TBC1D5: variants seen among roughly 807,000 people sequenced by gnomAD.
TBC1D5 encodes the protein TBC1 domain family, member 5.
Under a neutral mutation model 100.3 loss-of-function variants are expected in TBC1D5, and 75 were observed. The ratio of observed to expected loss-of-function variants is 0.75; its 90% CI spans 0.62 to 0.91. The LOEUF (loss-of-function observed/expected upper bound fraction) is 0.91, where lower values mean the gene tolerates loss of function less well. Ranked by LOEUF, TBC1D5 falls within the 40% of genes least tolerant of loss-of-function variation. TBC1D5 has a pLI of 0.00. For missense variants in TBC1D5, 910 were observed against 942.4 expected (o/e 0.97, Z 0.45); for synonymous variants, 323 against 325.6 (o/e 0.99, Z 0.09).
Position 17,223,261 on chromosome 3 carries a change from C to T in TBC1D5, c.1589-8891G>A, listed in dbSNP as rs553574247. Among the ~76,000 whole-genome samples the T allele has an allele frequency of 1.6e-3, 236 of 152,108 alleles. 1 individual carries two copies. The highest frequency in any genetic ancestry group is 2.8e-3 in the Non-Finnish European group (191 of 67,974). On this transcript the variant is annotated intron_variant, in intron 17 of 21. Coordinates refer to ENST00000253692, the Ensembl canonical transcript of TBC1D5. ...CTTTGATTCTAGATTTTATATATAT[C>T]GTAGCTGGGTACTATTAATTTTTGT...
intron 3 of TBC1D5, among the ~76,000 whole-genome samples, chr3:17,468,466 T>A (rs1165331715): frequency 6.6e-6 from 1 of 152,198 alleles, no homozygotes; most frequent in Non-Finnish European, 1.5e-5. Flanking sequence ...CCCCTTAAAT[T>A]GCAATATTGC....
chr3:17,381,827 T>C (rs1045064733), intron 9 of TBC1D5, among the ~76,000 whole-genome samples: 7 of 152,064 alleles, frequency 4.6e-5, no homozygotes. Flanking sequence ...TTTTTATATT[T>C]ATATTTTTAC....
intron 16 of TBC1D5, among the ~76,000 whole-genome samples, chr3:17,248,634 G>A (rs1011191392): frequency 1.3e-5 from 2 of 152,158 alleles, no homozygotes; most frequent in African/African-American, 2.4e-5. Context: ...ATTAATGCTT[G>A]GGTGCAAGCT....
At chr3:17,343,883 G>T (rs13079314) in intron 13 of TBC1D5, among the ~76,000 whole-genome samples, 1 of 151,418 alleles carries the variant, frequency 6.6e-6, no homozygotes, top group Non-Finnish European at 1.5e-5. Flanking sequence ...TCTTGCTAGC[G>T]GTCTATCAAT....
chr3:17,480,504 C>T (rs2095489690), intron 3 of TBC1D5, among the ~76,000 whole-genome samples: 1 of 152,212 alleles, frequency 6.6e-6, no homozygotes, highest in South Asian at 2.1e-4. Flanking sequence ...TGGACCCAGC[C>T]AGGACTACCA....
At chr3:17,308,328 T>C (rs942325097) in intron 13 of TBC1D5, among the ~76,000 whole-genome samples, 194 bp from the exon 14 acceptor site, 1 of 152,110 alleles carries the variant, frequency 6.6e-6, no homozygotes, top group Non-Finnish European at 1.5e-5. Flanking sequence ...GCCATCATCA[T>C]TAAATACTAT....
At position 17,612,884 on chromosome 3, in the gene TBC1D5, TTTTC is replaced by T. The variant is rs754391108; in HGVS notation, c.-36+10961_-36+10964del. Among the ~76,000 whole-genome samples the T allele has an allele frequency of 1.4e-3, 211 of 147,654 alleles. 1 individual carries two copies. Among genetic ancestry groups the T allele is most frequent in the Non-Finnish European group, 2.4e-3 (164 of 67,500 alleles). Reference sequence around the variant, plus strand: ...ATACATAAGGGATGAGAAAGCCCCCTTTTCTTTTTTTTTTTTTTTTATTAAAGTT... The same window carrying T: ...ATACATAAGGGATGAGAAAGCCCCCTTTTTTTTTTTTTTTTTATTAAAGTT... On this transcript the variant is annotated intron_variant, in intron 2 of 21. Transcript: ENST00000253692.
chr3:17,727,031 A>G (rs1212588204), intron 1 of TBC1D5, among the ~76,000 whole-genome samples: 1 of 152,206 alleles, frequency 6.6e-6, no homozygotes, highest in African/African-American at 2.4e-5. Flanking sequence ...AGAAATATGT[A>G]TAACGGCTGT....
chr3:17,222,241 T>C (rs2074368748), intron 17 of TBC1D5, among the ~76,000 whole-genome samples: 1 of 152,194 alleles, frequency 6.6e-6, no homozygotes, highest in Non-Finnish European at 1.5e-5. Flanking sequence ...ATTTCTTTTC[T>C]TCTGAGTGGC....
intron 13 of TBC1D5, among the ~76,000 whole-genome samples, chr3:17,338,083 T>G (rs7622831): frequency 0.09 from 13,632 of 152,192 alleles, 1,402 homozygotes; most frequent in African/African-American, 0.25. Flanking sequence ...TAAAACAAAC[T>G]GAATAACACG....
chr3:17,161,057 G>A, exon 22 of TBC1D5: 2 of 1,614,228 alleles, frequency 1.2e-6, no homozygotes, highest in Non-Finnish European at 8.5e-7. Flanking sequence ...AGCTGAGGCT[G>A]GGCCCATCAG....
At chr3:17,226,326 T>G (rs949793925) in intron 17 of TBC1D5, among the ~76,000 whole-genome samples, 1 of 139,196 alleles carries the variant, frequency 7.2e-6, no homozygotes, top group Admixed American at 7.2e-5. Context: ...TTTTTTTTTT[T>G]GACAGAGAGG....
At chr3:17,657,106 T>A (rs922478891) in intron 1 of TBC1D5, among the ~76,000 whole-genome samples, 1 of 152,106 alleles carries the variant, frequency 6.6e-6, no homozygotes, top group Non-Finnish European at 1.5e-5. Context: ...GAAGTCTATC[T>A]TTTAATCACT....
chr3:17,339,115 T>C (rs571982147), intron 13 of TBC1D5, among the ~76,000 whole-genome samples: 1 of 152,346 alleles, frequency 6.6e-6, no homozygotes, highest in East Asian at 1.9e-4. Context: ...ATTGTGGTTG[T>C]CTGAGGTCCC....
chr3:17,263,268 C>G (rs2078503794), intron 15 of TBC1D5, among the ~76,000 whole-genome samples: 2 of 145,532 alleles, frequency 1.4e-5, no homozygotes, highest in South Asian at 4.3e-4. Flanking sequence ...GAGGCTGAGG[C>G]TGAGGTAGAA....
At chr3:17,550,096 T>C (rs2096459510) in intron 2 of TBC1D5, among the ~76,000 whole-genome samples, 2 of 152,140 alleles carry the variant, frequency 1.3e-5, no homozygotes, top group Non-Finnish European at 2.9e-5. Context: ...CAATTTAATA[T>C]GAAGGATGAT....
intron 3 of TBC1D5, among the ~76,000 whole-genome samples, chr3:17,507,982 A>C (rs1016683114): frequency 6.6e-6 from 1 of 152,068 alleles, no homozygotes; most frequent in African/African-American, 2.4e-5. Context: ...CAGTGTATAG[A>C]TCTTTTAAAA....
chr3:17,312,585 A>G (rs2084162441), intron 13 of TBC1D5, among the ~76,000 whole-genome samples: 1 of 152,116 alleles, frequency 6.6e-6, no homozygotes, highest in Admixed American at 6.6e-5. Context: ...ACCTAATTTA[A>G]CCCCCAAAGG....
At chr3:17,444,505 T>G (rs2094738904) in intron 3 of TBC1D5, among the ~76,000 whole-genome samples, 1 of 152,102 alleles carries the variant, frequency 6.6e-6, no homozygotes, top group South Asian at 2.1e-4. Flanking sequence ...ATTCTTCAAT[T>G]GGCAGATATT....
Sources: allele counts gnomAD v4.1 joint callset (sites outside exome capture counted in the v4.1 genomes callset), GRCh38; gene constraint gnomAD v4.1.1; transcripts MANE v1.5; gene names NCBI Gene and HGNC (gene_info 2026-07-23, HGNC 2026-07-21).